The following MACROD2 variants were observed in gnomAD, a reference collection of about 807,000 sequenced individuals.
The protein encoded by MACROD2 is mono-ADP ribosylhydrolase 2.
MACROD2 carries 36 observed loss-of-function variants against 70.4 expected under a neutral mutation model. That is an observed-to-expected ratio of 0.51 (90% CI 0.39 to 0.68). The LOEUF is 0.68. MACROD2 is among the 30% of genes least tolerant of loss of function. The probability of loss-of-function intolerance (pLI) is 0.00; values close to 1 mark genes in which losing one functional copy is unlikely to be tolerated. For synonymous variants in MACROD2, 172 were observed against 178.8 expected, an observed-to-expected ratio of 0.96 and a Z score of 0.30; for missense variants, 496 against 538.4, an observed-to-expected ratio of 0.92 and a Z score of 0.78.
At chr20:14,594,620 G>C (rs183093383) in intron 4 of MACROD2, among the ~76,000 whole-genome samples, 1 of 152,156 alleles carries the variant, frequency 6.6e-6, no homozygotes, top group African/African-American at 2.4e-5. Flanking sequence ...AAGACTGGGC[G>C]CGGTGGCTCA....
intron 5 of MACROD2, among the ~76,000 whole-genome samples, chr20:15,196,628 AAC>A (rs2097498483): frequency 6.6e-6 from 1 of 152,236 alleles, no homozygotes; most frequent in South Asian, 2.1e-4. Flanking sequence ...AGCCAAGCCA[AAC>A]ACTACTCTGC....
intron 4 of MACROD2, among the ~76,000 whole-genome samples, chr20:14,545,051 G>A (rs1416431226): frequency 6.6e-6 from 1 of 152,158 alleles, no homozygotes; most frequent in Non-Finnish European, 1.5e-5. Context: ...TGATGATGAC[G>A]ATGAGACCAC....
chr20:16,017,259 A>C (rs897398111), intron 15 of MACROD2, among the ~76,000 whole-genome samples: 1 of 152,170 alleles, frequency 6.6e-6, no homozygotes, highest in Non-Finnish European at 1.5e-5. Flanking sequence ...CTTTCCCTGA[A>C]ATGCCAACCT....
chr20:14,485,979 G>A (rs2084725295), intron 3 of MACROD2, among the ~76,000 whole-genome samples: 1 of 152,040 alleles, frequency 6.6e-6, no homozygotes, highest in Admixed American at 6.6e-5. Flanking sequence ...AGCCTCTGAA[G>A]GAATGTGAGA....
intron 3 of MACROD2, among the ~76,000 whole-genome samples, chr20:14,274,367 G>A (rs2082229345): frequency 6.6e-6 from 1 of 152,192 alleles, no homozygotes; most frequent in Admixed American, 6.5e-5. Context: ...ATGTAATCCA[G>A]CATATAAACA....
chr20:15,563,123 G>A (rs1270314617), intron 8 of MACROD2, among the ~76,000 whole-genome samples: 1 of 152,196 alleles, frequency 6.6e-6, no homozygotes, highest in Non-Finnish European at 1.5e-5. Context: ...TGATGAGGAT[G>A]CAGTGTTGAT....
intron 6 of MACROD2, among the ~76,000 whole-genome samples, chr20:15,348,787 A>C (rs890400967): frequency 1.3e-5 from 2 of 152,096 alleles, no homozygotes; most frequent in African/African-American, 4.8e-5. Flanking sequence ...TGTTTCAGTT[A>C]CCTTCCACCA....
chr20:15,004,428 A>G (rs2075019900), intron 5 of MACROD2, among the ~76,000 whole-genome samples: 1 of 152,196 alleles, frequency 6.6e-6, no homozygotes, highest in African/African-American at 2.4e-5. Context: ...TTATTAACCA[A>G]TAGTTTTAAC....
Position 15,760,180 on chromosome 20 carries a change from G to C in MACROD2, c.646-102565G>C, listed in dbSNP as rs554803878. Among the ~76,000 whole-genome samples the C allele has an allele frequency of 8.3e-4, 126 of 152,302 alleles. 1 individual carries two copies. Among genetic ancestry groups the C allele is most frequent in the African/African-American group, 2.9e-3 (121 of 41,566 alleles). The stretch of plus-strand genomic sequence containing the variant: ...ATCTGATCCTTTGGATTGAATCATC[G>C]TGAGGAGTGTCTCGGCTTCACGAAA... On this transcript the variant is annotated intron_variant, in intron 8 of 17. Coordinates refer to ENST00000684519, the MANE Select transcript of MACROD2 (RefSeq NM_001351661.2).
intron 5 of MACROD2, among the ~76,000 whole-genome samples, chr20:14,770,878 A>G (rs895818100): frequency 5.3e-5 from 8 of 152,222 alleles, no homozygotes; most frequent in Non-Finnish European, 1.2e-4. Flanking sequence ...TATGTGTCAC[A>G]TATGCTACAT....
At chr20:14,739,670 G>T (rs2071710298) in intron 5 of MACROD2, among the ~76,000 whole-genome samples, 1 of 151,996 alleles carries the variant, frequency 6.6e-6, no homozygotes, top group Non-Finnish European at 1.5e-5. Flanking sequence ...TTTGTGGGAT[G>T]TTGTCATAAT....
Position 14,664,039 on chromosome 20 carries a change from G to A in MACROD2, c.302-20804G>A, listed in dbSNP as rs533487371. 7.2e-5 allele frequency among the ~76,000 whole-genome samples: 11 copies of A among 151,968 alleles called. No individual in the cohort carries two copies. The South Asian group carries it at 1.5e-3, about 20-fold the overall frequency. The stretch of plus-strand genomic sequence containing the variant: ...TAAGATCTAATTAAAGCACTTTATC[G>A]CATACAGTATTGTCTCTTTTTTTCA... On this transcript the variant is annotated intron_variant, in intron 4 of 17. Coordinates refer to ENST00000684519, the MANE Select transcript of MACROD2 (RefSeq NM_001351661.2).
intron 8 of MACROD2, among the ~76,000 whole-genome samples, chr20:15,535,094 G>A (rs1265807043): frequency 6.6e-6 from 1 of 152,078 alleles, no homozygotes; most frequent in Admixed American, 6.6e-5. Flanking sequence ...TTCTGTCTCA[G>A]CCTACCAAGT....
At chr20:14,864,021 G>C (rs1314714006) in intron 5 of MACROD2, among the ~76,000 whole-genome samples, 1 of 152,054 alleles carries the variant, frequency 6.6e-6, no homozygotes, top group African/African-American at 2.4e-5. Context: ...CATACTACAT[G>C]ATGTAGGCTA....
At chr20:14,382,394 C>T (rs988044776) in intron 3 of MACROD2, among the ~76,000 whole-genome samples, 7 of 151,392 alleles carry the variant, frequency 4.6e-5, no homozygotes, top group Non-Finnish European at 8.8e-5. Flanking sequence ...CTGGGCCAGG[C>T]GTGGTGGCTC....
chr20:14,286,353 A>G (rs900286462), intron 3 of MACROD2, among the ~76,000 whole-genome samples: 6 of 152,038 alleles, frequency 3.9e-5, no homozygotes, highest in Non-Finnish European at 7.4e-5. Flanking sequence ...GCTGTTTTAC[A>G]TGAGCTTTTC....
chr20:15,263,806 A>G (rs971539886), intron 6 of MACROD2, among the ~76,000 whole-genome samples: 3 of 151,976 alleles, frequency 2.0e-5, no homozygotes, highest in Admixed American at 6.6e-5. Context: ...TAAAAATGCT[A>G]TTACTTTCTT....
intron 3 of MACROD2, among the ~76,000 whole-genome samples, chr20:14,367,488 T>G (rs1362689098): frequency 6.6e-6 from 1 of 152,206 alleles, no homozygotes; most frequent in Non-Finnish European, 1.5e-5. Flanking sequence ...TTGCTTTTTG[T>G]GTTGGTTTTC....
chr20:14,826,014 G>A (rs2072898336), intron 5 of MACROD2, among the ~76,000 whole-genome samples: 1 of 152,110 alleles, frequency 6.6e-6, no homozygotes, highest in African/African-American at 2.4e-5. Flanking sequence ...CTGAAGAGCT[G>A]GTGACCTATC....
Sources: gnomAD v4.1 joint callset for allele counts (sites outside exome capture counted in the v4.1 genomes callset) on GRCh38, gnomAD v4.1.1 for gene constraint, MANE v1.5 for transcripts, NCBI Gene and HGNC (gene_info 2026-07-23, HGNC 2026-07-21) for gene names.